The following ZSWIM6 variants were observed in gnomAD, a reference collection of about 807,000 sequenced individuals.
ZSWIM6 encodes the protein zinc finger SWIM domain-containing protein 6.
A neutral mutation model predicts 113.2 loss-of-function variants in ZSWIM6; 9 were observed. The observed-to-expected ratio is 0.08, with a 90% CI of 0.05 to 0.14. The LOEUF is 0.14. ZSWIM6 is among the 10% of genes least tolerant of loss of function. The probability of loss-of-function intolerance (pLI) is 1.00; values close to 1 mark genes in which losing one functional copy is unlikely to be tolerated. For synonymous variants in ZSWIM6, 611 were observed against 606.5 expected, an observed-to-expected ratio of 1.01 and a Z score of -0.11; for missense variants, 1,162 against 1,552.2, an observed-to-expected ratio of 0.75 and a Z score of 4.22.
Position 61,539,590 on chromosome 5 carries a change from T to A in ZSWIM6, c.2540-6T>A. The stretch of plus-strand genomic sequence containing the variant: ...GTTTGGTTTGGTTTTCCCTTGTTCA[T>A]TGCAGGCGATGTTCGGAGGCTGGAA... On this transcript the variant is annotated splice_polypyrimidine_tract_variant and splice_region_variant and intron_variant, in intron 11 of 13. Coordinates refer to ENST00000252744, the MANE Select transcript of ZSWIM6 (RefSeq NM_020928.2). 6.5e-7 allele frequency: 1 copy of A among 1,549,056 alleles called. No homozygotes were observed. The highest frequency in any genetic ancestry group is 1.2e-5 in the South Asian group (1 of 83,732).
intron 1 of ZSWIM6, among the ~76,000 whole-genome samples, chr5:61,365,477 G>A (rs143707726): frequency 1.9e-4 from 29 of 152,248 alleles, no homozygotes; most frequent in African/African-American, 6.7e-4. Flanking sequence ...AAATATAGCA[G>A]TCCTTGATAT....
At chr5:61,511,631 C>T (rs1356901161) in intron 4 of ZSWIM6, among the ~76,000 whole-genome samples, 2 of 152,068 alleles carry the variant, frequency 1.3e-5, no homozygotes, top group African/African-American at 4.8e-5. Context: ...TGTGAGGACA[C>T]AATTAGAAGG....
chr5:61,342,476 A>G (rs1167365915), intron 1 of ZSWIM6, among the ~76,000 whole-genome samples: 1 of 152,184 alleles, frequency 6.6e-6, no homozygotes, highest in South Asian at 2.1e-4. Flanking sequence ...AAACACAGGG[A>G]AAAAAGTAGA....
At chr5:61,355,431 AAC>A (rs34072520) in intron 1 of ZSWIM6, among the ~76,000 whole-genome samples, 3,416 of 127,148 alleles carry the variant, frequency 0.027, 30 homozygotes, top group East Asian at 0.03. Flanking sequence ...GAGACTTTAA[AAC>A]ACACACACAC....
chr5:61,424,928 A>T (rs1746435218), intron 1 of ZSWIM6, among the ~76,000 whole-genome samples: 1 of 151,962 alleles, frequency 6.6e-6, no homozygotes, highest in Non-Finnish European at 1.5e-5. Context: ...GGGTTTCATT[A>T]TGTTGACCAG....
At chr5:61,440,493 G>A (rs953152977) in intron 1 of ZSWIM6, among the ~76,000 whole-genome samples, 1 of 152,090 alleles carries the variant, frequency 6.6e-6, no homozygotes, top group Non-Finnish European at 1.5e-5. Flanking sequence ...TCCCAGACAG[G>A]AGAAAGAATG....
intron 4 of ZSWIM6, among the ~76,000 whole-genome samples, chr5:61,517,221 A>AT (rs891209834): frequency 4.0e-5 from 6 of 151,816 alleles, no homozygotes; most frequent in African/African-American, 9.7e-5. Flanking sequence ...ATTTCTTCCA[A>AT]TTTTTTCTTC....
At chr5:61,418,144 A>C (rs973550993) in intron 1 of ZSWIM6, among the ~76,000 whole-genome samples, 3 of 152,214 alleles carry the variant, frequency 2.0e-5, no homozygotes, top group African/African-American at 7.2e-5. Context: ...ATTATGCTAA[A>C]GGAATGGGGA....
intron 7 of ZSWIM6, among the ~76,000 whole-genome samples, chr5:61,526,731 T>C (rs1214795869): frequency 6.6e-6 from 1 of 152,240 alleles, no homozygotes; most frequent in Non-Finnish European, 1.5e-5. Context: ...GCATTTTAAT[T>C]CTAACAATAA....
chr5:61,486,469 T>C, intron 2 of ZSWIM6, among the ~76,000 whole-genome samples: 1 of 152,178 alleles, frequency 6.6e-6, no homozygotes, highest in African/African-American at 2.4e-5. Context: ...AGTAGTGGGA[T>C]TGCTGGATGG....
At chr5:61,481,783 T>A (rs1747873897) in intron 2 of ZSWIM6, among the ~76,000 whole-genome samples, 1 of 152,098 alleles carries the variant, frequency 6.6e-6, no homozygotes, top group Admixed American at 6.6e-5. Flanking sequence ...GTAAATCAAA[T>A]TCACACATCC....
chr5:61,338,079 A>G (rs1410039171), intron 1 of ZSWIM6, among the ~76,000 whole-genome samples: 1 of 152,042 alleles, frequency 6.6e-6, no homozygotes, highest in African/African-American at 2.4e-5. Context: ...TTTTGGGAGA[A>G]AAGAATATCG....
At chr5:61,389,273 T>C (rs1745650812) in intron 1 of ZSWIM6, among the ~76,000 whole-genome samples, 1 of 152,072 alleles carries the variant, frequency 6.6e-6, no homozygotes, top group Admixed American at 6.6e-5. Flanking sequence ...TCCTGCAGCT[T>C]GGCCGGGCGC....
At chr5:61,426,694 G>A (rs545365183) in intron 1 of ZSWIM6, among the ~76,000 whole-genome samples, 9 of 151,432 alleles carry the variant, frequency 5.9e-5, no homozygotes, top group Non-Finnish European at 8.8e-5. Flanking sequence ...CCTTTACTCC[G>A]GAGTACTTTG....
intron 1 of ZSWIM6, among the ~76,000 whole-genome samples, chr5:61,460,401 C>T (rs976914745): frequency 1.3e-5 from 2 of 152,104 alleles, no homozygotes; most frequent in African/African-American, 4.8e-5. Flanking sequence ...TGAGTTCTTA[C>T]AGCGGTTACC....
chr5:61,530,241 A>C, intron 8 of ZSWIM6, 43 bp downstream of exon 8: 1 of 1,515,878 alleles, frequency 6.6e-7, no homozygotes, highest in Non-Finnish European at 8.9e-7. Flanking sequence ...TCTTTTTCTA[A>C]ACCCTGAATG....
In ZSWIM6 at chr5:61,464,504, C is replaced by T. The variant is rs756940712; in HGVS notation, c.677-8177C>T. ...TGTAGAAAGGGGAATATGATGCCTG[C>T]TTTGCAGGATGGTTGTGAGAATTAA... On this transcript the variant is annotated intron_variant, in intron 1 of 13. Coordinates refer to ENST00000252744, the MANE Select transcript of ZSWIM6 (RefSeq NM_020928.2). Among the ~76,000 whole-genome samples the T allele has an allele frequency of 6.6e-5, 10 of 152,236 alleles. 1 individual carries two copies. The highest frequency in any genetic ancestry group is 7.4e-5 in the Non-Finnish European group (5 of 68,026).
chr5:61,477,262 G>T (rs1307354944), intron 2 of ZSWIM6, among the ~76,000 whole-genome samples: 1 of 152,140 alleles, frequency 6.6e-6, no homozygotes, highest in African/African-American at 2.4e-5. Context: ...CATTTCAGTG[G>T]CCCTTTTACT....
chr5:61,369,760 A>C (rs991979760), intron 1 of ZSWIM6, among the ~76,000 whole-genome samples: 47 of 152,294 alleles, frequency 3.1e-4, no homozygotes, highest in African/African-American at 1.0e-3. Context: ...AATAAAATGC[A>C]TCCCTGCCAT....
Sources: allele counts gnomAD v4.1 joint callset (sites outside exome capture counted in the v4.1 genomes callset), GRCh38; gene constraint gnomAD v4.1.1; transcripts MANE v1.5; gene names NCBI Gene and HGNC (gene_info 2026-07-23, HGNC 2026-07-21).